Variants in RCOR1 observed in about 807,000 individuals in gnomAD.
RCOR1 encodes the protein REST corepressor.
RCOR1 carries 12 observed loss-of-function variants against 64.0 expected under a neutral mutation model. That is an observed-to-expected ratio of 0.19 (90% CI 0.12 to 0.30). The LOEUF (loss-of-function observed/expected upper bound fraction) is 0.30, where lower values mean the gene tolerates loss of function less well. Among genes scored for constraint, RCOR1 ranks in the 10% least tolerant of loss-of-function variants. RCOR1 has a pLI of 1.00. For missense variants in RCOR1, 502 were observed against 621.2 expected, an observed-to-expected ratio of 0.81 and a Z score of 2.04; for synonymous variants, 279 against 227.2, an observed-to-expected ratio of 1.23 and a Z score of -2.05.
intron 2 of RCOR1, among the ~76,000 whole-genome samples, chr14:102,602,312 T>C (rs1893418434): frequency 6.6e-6 from 1 of 152,138 alleles, no homozygotes; most frequent in Non-Finnish European, 1.5e-5. Context: ...GTCTTCGTCA[T>C]GGTGTTAGTT....
chr14:102,696,592 T>C (rs1321237471), intron 3 of RCOR1, among the ~76,000 whole-genome samples: 1 of 152,202 alleles, frequency 6.6e-6, no homozygotes, highest in Non-Finnish European at 1.5e-5. Flanking sequence ...TAGCGTTTAC[T>C]TCATGAGTCC....
At chr14:102,702,823 A>G (rs1895777544) in intron 4 of RCOR1, among the ~76,000 whole-genome samples, 1 of 152,252 alleles carries the variant, frequency 6.6e-6, no homozygotes, top group South Asian at 2.1e-4. Flanking sequence ...ATCACAGAGC[A>G]TACAAAGAAA....
intron 3 of RCOR1, among the ~76,000 whole-genome samples, chr14:102,685,079 T>TGTG (rs397948268): frequency 6.1e-5 from 9 of 147,720 alleles, no homozygotes; most frequent in African/African-American, 1.2e-4. Context: ...TGTGTGTGTG[T>TGTG]TTTTTTTTTC....
intron 11 of RCOR1, among the ~76,000 whole-genome samples, chr14:102,724,532 A>T (rs1896225402): frequency 6.6e-6 from 1 of 152,086 alleles, no homozygotes; most frequent in Admixed American, 6.6e-5. Flanking sequence ...GGGTTTCGGC[A>T]TGTTGACCAG....
intron 2 of RCOR1, among the ~76,000 whole-genome samples, chr14:102,666,439 T>C (rs1420992514): frequency 6.6e-6 from 1 of 152,246 alleles, no homozygotes; most frequent in East Asian, 1.9e-4. Flanking sequence ...ATTAGTATGG[T>C]ACATTTGTTA....
chr14:102,664,262 C>T (rs926769296), intron 2 of RCOR1, among the ~76,000 whole-genome samples: 3 of 151,988 alleles, frequency 2.0e-5, no homozygotes, highest in Admixed American at 6.6e-5. Flanking sequence ...TGAGCCACCA[C>T]GCCCAGCTGG....
intron 2 of RCOR1, among the ~76,000 whole-genome samples, chr14:102,601,627 C>A (rs906640462): frequency 2.6e-5 from 4 of 152,192 alleles, no homozygotes; most frequent in African/African-American, 9.7e-5. Flanking sequence ...GTGCAGCTTG[C>A]AGTTCAGAGA....
intron 2 of RCOR1, among the ~76,000 whole-genome samples, chr14:102,617,840 G>A (rs1177897104): frequency 2.6e-5 from 4 of 151,776 alleles, no homozygotes; most frequent in Admixed American, 6.6e-5. Context: ...TGCCTGCCTC[G>A]GCTTCCCACA....
intron 5 of RCOR1, among the ~76,000 whole-genome samples, chr14:102,707,791 G>C (rs997289050): frequency 8.1e-6 from 1 of 122,744 alleles, no homozygotes; most frequent in African/African-American, 3.1e-5. Context: ...AGACCCATAC[G>C]AAGGACTTTT....
chr14:102,593,030 C>T lies in RCOR1; in HGVS notation c.144C>T (p.Gly48=). The T allele has an allele frequency of 7.9e-7, 1 of 1,265,918 alleles. No homozygotes were observed. The highest frequency in any genetic ancestry group is 4.0e-5 in the Admixed American group (1 of 24,728). 78.4% of individuals were successfully genotyped at this position (1,265,918 alleles called of 1,614,324 possible). ...CASPAATAAS[G]AAASSASAAA... ...CGCCAGCCGCCACTGCCGCCTCGGG[C>T]GCCGCCGCCTCCTCAGCCTCGGCCG... The change falls in exon 1 of 12, where the codon GGC becomes GGT. Residue 48 remains glycine (G), a synonymous_variant. Coordinates refer to ENST00000262241, the MANE Select transcript of RCOR1 (RefSeq NM_015156.4).
intron 8 of RCOR1, among the ~76,000 whole-genome samples, chr14:102,718,800 T>C (rs1238983983): frequency 1.3e-5 from 2 of 152,046 alleles, no homozygotes; most frequent in African/African-American, 4.8e-5. Context: ...GCGTATTTTG[T>C]TTTTTGGAGA....
intron 2 of RCOR1, among the ~76,000 whole-genome samples, chr14:102,650,545 C>G (rs1441102162): frequency 6.6e-6 from 1 of 152,160 alleles, no homozygotes; most frequent in Non-Finnish European, 1.5e-5. Flanking sequence ...GCCACATCCA[C>G]TCAGTTAAAA....
At chr14:102,627,258 T>C (rs763181556) in intron 2 of RCOR1, among the ~76,000 whole-genome samples, 43 of 152,366 alleles carry the variant, frequency 2.8e-4, no homozygotes, top group East Asian at 3.9e-4. Flanking sequence ...TCTACCTGTT[T>C]AAGGATAATC....
chr14:102,638,317 G>A (rs1894288208), intron 2 of RCOR1, among the ~76,000 whole-genome samples: 1 of 152,130 alleles, frequency 6.6e-6, no homozygotes, highest in South Asian at 2.1e-4. Context: ...AGAGAGAGAA[G>A]GATTTTAATT....
chr14:102,712,758 T>C (rs1377347732), intron 7 of RCOR1, among the ~76,000 whole-genome samples: 1 of 151,146 alleles, frequency 6.6e-6, no homozygotes, highest in African/African-American at 2.4e-5. Context: ...ATCCTGAGGG[T>C]TAGCTAAATT....
intron 10 of RCOR1, among the ~76,000 whole-genome samples, chr14:102,721,735 C>T (rs1009473489): frequency 1.2e-4 from 18 of 152,110 alleles, no homozygotes; most frequent in African/African-American, 4.3e-4. Context: ...TTTCCCACTT[C>T]TCACAAGTTG....
At chr14:102,689,620 T>C (rs1895492270) in intron 3 of RCOR1, among the ~76,000 whole-genome samples, 1 of 152,214 alleles carries the variant, frequency 6.6e-6, no homozygotes, top group Admixed American at 6.5e-5. Context: ...TGTGCAGTTA[T>C]TTAAGTGTTT....
At chr14:102,695,346 C>T (rs772672086) in intron 3 of RCOR1, 2 of 152,018 alleles carry the variant, frequency 1.3e-5, no homozygotes, top group Non-Finnish European at 2.9e-5. Context: ...CTGAAGAGCC[C>T]TTCTGCCTCT....
At chr14:102,663,133 A>G (rs970100388) in intron 2 of RCOR1, among the ~76,000 whole-genome samples, 1 of 152,210 alleles carries the variant, frequency 6.6e-6, no homozygotes, top group African/African-American at 2.4e-5. Context: ...AGTTTTAAAA[A>G]GGGGATTTTC....
Sources: allele counts gnomAD v4.1 joint callset (sites outside exome capture counted in the v4.1 genomes callset), GRCh38; gene constraint gnomAD v4.1.1; transcripts MANE v1.5; gene names NCBI Gene and HGNC (gene_info 2026-07-23, HGNC 2026-07-21).